Variants in PLCXD3 observed in about 807,000 individuals in gnomAD.
The protein encoded by PLCXD3 is phosphatidylinositol specific phospholipase C X domain containing 3.
A neutral mutation model predicts 25.5 loss-of-function variants in PLCXD3; 19 were observed. The observed-to-expected ratio is 0.75, with a 90% CI of 0.52 to 1.09. PLCXD3 has a LOEUF of 1.09. Ranked by LOEUF, PLCXD3 falls within the 50% of genes least tolerant of loss-of-function variation. The pLI, the probability that PLCXD3 is intolerant of heterozygous loss-of-function variation, is 0.00. For synonymous variants in PLCXD3, 174 were observed against 137.6 expected, an observed-to-expected ratio of 1.26 and a Z score of -1.85; for missense variants, 411 against 388.1, an observed-to-expected ratio of 1.06 and a Z score of -0.50.
chr5:41,473,414 C>A (rs1748208653), intron 1 of PLCXD3, among the ~76,000 whole-genome samples: 1 of 151,650 alleles, frequency 6.6e-6, no homozygotes, highest in Non-Finnish European at 1.5e-5. Context: ...TAGGTTAGTG[C>A]AAAAGTAATT....
intron 1 of PLCXD3, among the ~76,000 whole-genome samples, chr5:41,479,242 T>C (rs1179950425): frequency 2.0e-5 from 3 of 152,222 alleles, no homozygotes; most frequent in African/African-American, 7.2e-5. Flanking sequence ...AAAAAACAAA[T>C]ATTACATGAT....
intron 2 of PLCXD3, among the ~76,000 whole-genome samples, chr5:41,337,416 A>G (rs13155127): frequency 1.3e-5 from 2 of 152,136 alleles, no homozygotes; most frequent in Non-Finnish European, 2.9e-5. Context: ...GAGGATATTG[A>G]TTACATCATC....
intron 1 of PLCXD3, among the ~76,000 whole-genome samples, chr5:41,451,657 T>G (rs1408691013): frequency 6.6e-6 from 1 of 151,848 alleles, no homozygotes; most frequent in East Asian, 1.9e-4. Context: ...TTTTTTTATG[T>G]TGGATGTCCA....
intron 1 of PLCXD3, among the ~76,000 whole-genome samples, chr5:41,391,818 CA>C (rs1180749173): frequency 6.6e-6 from 1 of 152,074 alleles, no homozygotes; most frequent in Non-Finnish European, 1.5e-5. Flanking sequence ...AACGGGAGAC[CA>C]TTTCCCTGAA....
intron 2 of PLCXD3, among the ~76,000 whole-genome samples, chr5:41,369,399 C>G (rs1355283098): frequency 1.3e-5 from 2 of 152,204 alleles, no homozygotes; most frequent in East Asian, 3.9e-4. Flanking sequence ...AACAGGCAAC[C>G]TGAATTAAAC....
At chr5:41,456,544 T>C (rs1445920200) in intron 1 of PLCXD3, 3 of 940,716 alleles carry the variant, frequency 3.2e-6, no homozygotes, top group East Asian at 2.3e-4. Context: ...TCTCTAGACT[T>C]ACCCATTTTA....
chr5:41,370,772 A>T (rs1400835209), intron 2 of PLCXD3, among the ~76,000 whole-genome samples: 2 of 152,216 alleles, frequency 1.3e-5, no homozygotes, highest in Non-Finnish European at 2.9e-5. Flanking sequence ...TCTGTGAAAG[A>T]GGACAACAAA....
intron 2 of PLCXD3, among the ~76,000 whole-genome samples, chr5:41,375,531 G>A (rs570434242): frequency 3.7e-4 from 56 of 152,154 alleles, no homozygotes; most frequent in Admixed American, 2.5e-3. Context: ...ATAAAAAATG[G>A]TGAAATGAGC....
intron 1 of PLCXD3, among the ~76,000 whole-genome samples, chr5:41,490,951 T>C (rs552861924): frequency 6.6e-6 from 1 of 152,204 alleles, no homozygotes; most frequent in South Asian, 2.1e-4. Context: ...CTGCTCTGAT[T>C]TTAGTTATTT....
intron 2 of PLCXD3, among the ~76,000 whole-genome samples, chr5:41,314,762 C>T (rs1039469186): frequency 2.0e-5 from 3 of 152,084 alleles, no homozygotes; most frequent in African/African-American, 7.2e-5. Flanking sequence ...CTGTAGGGCA[C>T]ATTAGGCCAT....
chr5:41,484,004 A>G lies in PLCXD3; in HGVS notation c.103+26420T>C, dbSNP rs76025981. Among the ~76,000 whole-genome samples, 124 of 152,252 alleles carry G rather than the reference A, an allele frequency of 8.1e-4. 1 individual carries two copies. The East Asian group carries it at 0.016, about 19-fold the overall frequency. ...GAATTCCTCTCATTTTGAGGAGGCAATTATTGATCTCACCTTCTAATATGT... is the reference window on the plus strand; with the variant it reads ...GAATTCCTCTCATTTTGAGGAGGCAGTTATTGATCTCACCTTCTAATATGT... On this transcript the variant is annotated intron_variant, in intron 1 of 2. Coordinates refer to ENST00000377801, the MANE Select transcript of PLCXD3 (RefSeq NM_001005473.3).
At chr5:41,383,523 A>G (rs1421538020) in intron 1 of PLCXD3, among the ~76,000 whole-genome samples, 1 of 152,084 alleles carries the variant, frequency 6.6e-6, no homozygotes. Context: ...GCCTCCTTTT[A>G]TTCTTAGGCA....
chr5:41,318,936 C>G (rs1399305109), intron 2 of PLCXD3, among the ~76,000 whole-genome samples: 1 of 147,808 alleles, frequency 6.8e-6, no homozygotes, highest in Admixed American at 6.6e-5. Context: ...AGCAAACAAA[C>G]AAATGAACAA....
chr5:41,402,221 A>G (rs1489192098), intron 1 of PLCXD3, among the ~76,000 whole-genome samples: 1 of 151,808 alleles, frequency 6.6e-6, no homozygotes, highest in Non-Finnish European at 1.5e-5. Flanking sequence ...ATAAACATTT[A>G]ATGATAGCTT....
chr5:41,313,677 G>C lies in PLCXD3; in HGVS notation c.906C>G (p.Asp302Glu). Residue 302 changes from aspartate to glutamate, a missense_variant, in exon 3 of 3, where the codon GAC becomes GAG. Coordinates refer to ENST00000377801, the MANE Select transcript of PLCXD3 (RefSeq NM_001005473.3). ...TGAGCTTTATGACAGTGCTGATAAA[G>C]TCACCAAGTTCTACAAAATCGGCAG... Reference protein sequence around the residue: ...IVTADFVELGDFISTVIKLNY... With the variant: ...IVTADFVELGEFISTVIKLNY... The C allele has an allele frequency of 6.2e-7, 1 of 1,613,886 alleles. No individual in the cohort carries two copies.
At chr5:41,327,996 G>C (rs576593297) in intron 2 of PLCXD3, among the ~76,000 whole-genome samples, 17 of 151,972 alleles carry the variant, frequency 1.1e-4, no homozygotes, top group Non-Finnish European at 1.9e-4. Flanking sequence ...GTGTGGATTA[G>C]ACTCTGATGG....
chr5:41,407,307 T>G (rs992000105), intron 1 of PLCXD3, among the ~76,000 whole-genome samples: 7 of 152,120 alleles, frequency 4.6e-5, no homozygotes, highest in African/African-American at 1.7e-4. Context: ...ATTATGAAAA[T>G]AATATTAAAT....
At chr5:41,479,401 A>C (rs1463276043) in intron 1 of PLCXD3, among the ~76,000 whole-genome samples, 1 of 152,088 alleles carries the variant, frequency 6.6e-6, no homozygotes, top group East Asian at 1.9e-4. Context: ...AAAATTCTTG[A>C]GATAGAGAGT....
At chr5:41,401,693 T>C (rs1746191935) in intron 1 of PLCXD3, among the ~76,000 whole-genome samples, 1 of 152,058 alleles carries the variant, frequency 6.6e-6, no homozygotes. Context: ...AGACATGCAT[T>C]ATTTTCCTCT....
Sources: allele counts gnomAD v4.1 joint callset (sites outside exome capture counted in the v4.1 genomes callset), GRCh38; gene constraint gnomAD v4.1.1; transcripts MANE v1.5; gene names NCBI Gene and HGNC (gene_info 2026-07-23, HGNC 2026-07-21).